VEPH1: variants seen among roughly 807,000 people sequenced by gnomAD.
The protein encoded by VEPH1 is ventricular zone expressed PH domain containing 1.
In VEPH1, 80 loss-of-function variants were observed where a neutral mutation model predicts 85.2. The observed-to-expected ratio is 0.94, with a 90% confidence interval of 0.78 to 1.13. The LOEUF (loss-of-function observed/expected upper bound fraction) is 1.13. VEPH1 is among the 50% of genes most tolerant of loss of function. VEPH1 has a pLI of 0.00. For missense variants in VEPH1, 955 were observed against 980.5 expected (o/e 0.97, Z 0.35); for synonymous variants, 297 against 348.0 (o/e 0.85, Z 1.63).
At chr3:157,298,914 G>T (rs1718435176) in intron 11 of VEPH1, among the ~76,000 whole-genome samples, 1 of 152,128 alleles carries the variant, frequency 6.6e-6, no homozygotes, top group South Asian at 2.1e-4. Flanking sequence ...AAAATTAAAA[G>T]CTGATAGTGG....
rs556126990 is a variant in VEPH1, at chr3:157,275,766, T to C, written c.2129-10104A>G. ...TTGAAAACACTGCTTCTGGGAATTA[T>C]GAATCCTATACAGTCTATGGGGAAT... On this transcript the variant is annotated intron_variant, in intron 12 of 13. Transcript: ENST00000362010. Among the ~76,000 whole-genome samples, 61 of 152,330 alleles carry C rather than the reference T, an allele frequency of 4.0e-4. No individual in the cohort carries two copies. In the South Asian group the frequency reaches 9.3e-3, roughly 23 times the overall value.
At chr3:157,349,247 T>A (rs990708384) in intron 9 of VEPH1, among the ~76,000 whole-genome samples, 4 of 152,244 alleles carry the variant, frequency 2.6e-5, no homozygotes, top group Non-Finnish European at 5.9e-5. Flanking sequence ...TCAATAAATG[T>A]CATAAATTAT....
At chr3:157,469,393 T>G (rs1407877731) in intron 3 of VEPH1, among the ~76,000 whole-genome samples, 1 of 152,166 alleles carries the variant, frequency 6.6e-6, no homozygotes, top group Non-Finnish European at 1.5e-5. Context: ...TTTAACATAA[T>G]CAGAATTTCC....
intron 10 of VEPH1, among the ~76,000 whole-genome samples, chr3:157,316,440 T>C (rs1720763685): frequency 1.3e-5 from 2 of 151,598 alleles, no homozygotes; most frequent in African/African-American, 4.8e-5. Context: ...TTCATTTTCT[T>C]ATCTGTAAAA....
intron 4 of VEPH1, chr3:157,436,999 T>C (rs1420086056): frequency 6.2e-7 from 1 of 1,613,928 alleles, no homozygotes; most frequent in African/African-American, 1.3e-5. Flanking sequence ...ACTCGGATGA[T>C]TATGATCTCA....
intron 9 of VEPH1, among the ~76,000 whole-genome samples, chr3:157,354,427 G>A (rs1013207507): frequency 2.6e-5 from 4 of 151,914 alleles, no homozygotes; most frequent in African/African-American, 9.7e-5. Context: ...AATATATCTG[G>A]AGTGAACACT....
rs114815740 is a variant in VEPH1 at position 157,396,096 on chromosome 3, C to T, written c.907-14720G>A. 1.5e-3 allele frequency among the ~76,000 whole-genome samples: 231 copies of T among 152,282 alleles called. 1 individual carries two copies. The highest frequency in any genetic ancestry group is 4.8e-3 in the African/African-American group (200 of 41,542). ...CTGATGCTCTCTCTTGCCCCATCCC[C>T]GCTGCAGGCCCCAGTGTGTGTTGTT... On this transcript the variant is annotated intron_variant, in intron 6 of 13. Transcript: ENST00000362010.
chr3:157,437,017 G>T, intron 4 of VEPH1: 6 of 1,614,008 alleles, frequency 3.7e-6, no homozygotes, highest in Non-Finnish European at 5.1e-6. Context: ...TCATGTATGT[G>T]AATTTGGACA....
chr3:157,272,875 C>A lies in VEPH1; in HGVS notation c.2129-7213G>T, dbSNP rs189269849. On this transcript the variant is annotated intron_variant, in intron 12 of 13. Coordinates refer to ENST00000362010, the MANE Select transcript of VEPH1 (RefSeq NM_001167912.2). Reference sequence around the variant, plus strand: ...AAGACAACAAGCAAAATCCCTCAAGCATCCTGAAACACTTGCCATCACCTT... The same window carrying A: ...AAGACAACAAGCAAAATCCCTCAAGAATCCTGAAACACTTGCCATCACCTT... Among the ~76,000 whole-genome samples the A allele has an allele frequency of 1.8e-3, 267 of 152,298 alleles. 3 individuals are homozygous for A. Among genetic ancestry groups the A allele is most frequent in the African/African-American group, 6.0e-3 (248 of 41,562 alleles).
chr3:157,364,258 G>A (rs1242799387), intron 8 of VEPH1, 45 bp downstream of exon 8: 6 of 1,450,080 alleles, frequency 4.1e-6, no homozygotes, highest in African/African-American at 2.9e-5. Flanking sequence ...AGCTAATAGC[G>A]AACATGAAGT....
At chr3:157,274,611 C>T (rs901215593) in intron 12 of VEPH1, among the ~76,000 whole-genome samples, 1 of 152,142 alleles carries the variant, frequency 6.6e-6, no homozygotes, top group African/African-American at 2.4e-5. Flanking sequence ...GATTCTCCTG[C>T]CTCAGCCCCC....
chr3:157,399,456 C>A (rs1202012935), intron 6 of VEPH1, among the ~76,000 whole-genome samples: 1 of 152,112 alleles, frequency 6.6e-6, no homozygotes, highest in Non-Finnish European at 1.5e-5. Flanking sequence ...ATATCTATAT[C>A]ATTTTCTATT....
chr3:157,345,602 C>T (rs1167441465), intron 9 of VEPH1, among the ~76,000 whole-genome samples: 3 of 152,188 alleles, frequency 2.0e-5, no homozygotes, highest in Non-Finnish European at 4.4e-5. Flanking sequence ...CTAGTTCAAC[C>T]ATTGTGGAAG....
At chr3:157,331,249 C>G (rs1722468372) in intron 9 of VEPH1, among the ~76,000 whole-genome samples, 1 of 152,178 alleles carries the variant, frequency 6.6e-6, no homozygotes, top group Non-Finnish European at 1.5e-5. Flanking sequence ...GTAAGTGATA[C>G]CGTCTGGAGT....
chr3:157,272,413 TTCTTTCTTTCTTTC>T (rs1714800419), intron 12 of VEPH1, among the ~76,000 whole-genome samples: 1 of 147,788 alleles, frequency 6.8e-6, no homozygotes, highest in Non-Finnish European at 1.5e-5. Context: ...CTTTCTTTCT[TTCTTTCTTTCTTTC>T]TTTCTTTCTT....
chr3:157,377,689 G>C (rs1251187063), intron 7 of VEPH1, among the ~76,000 whole-genome samples: 1 of 152,084 alleles, frequency 6.6e-6, no homozygotes, highest in Non-Finnish European at 1.5e-5. Flanking sequence ...TTGCTGCCTT[G>C]TGAAGATGGT....
intron 9 of VEPH1, among the ~76,000 whole-genome samples, chr3:157,326,199 G>A (rs757366106): frequency 6.6e-6 from 1 of 151,986 alleles, no homozygotes; most frequent in Admixed American, 6.6e-5. Context: ...TGGGATTTAA[G>A]CAAACAATTT....
At chr3:157,350,456 G>A (rs1332100659) in intron 9 of VEPH1, among the ~76,000 whole-genome samples, 1 of 152,090 alleles carries the variant, frequency 6.6e-6, no homozygotes, top group African/African-American at 2.4e-5. Flanking sequence ...ACACTTGTCT[G>A]GGGAAAGATG....
At chr3:157,374,280 A>G (rs1727841303) in intron 7 of VEPH1, among the ~76,000 whole-genome samples, 1 of 151,222 alleles carries the variant, frequency 6.6e-6, no homozygotes, top group Admixed American at 6.6e-5. Context: ...TTGAAAAGAG[A>G]TACTCGTTTC....
Sources: gnomAD v4.1 joint callset for allele counts (sites outside exome capture counted in the v4.1 genomes callset) on GRCh38, gnomAD v4.1.1 for gene constraint, MANE v1.5 for transcripts, NCBI Gene and HGNC (gene_info 2026-07-23, HGNC 2026-07-21) for gene names.